Variants in VAC14 observed in about 807,000 individuals in gnomAD.
VAC14 encodes the protein VAC14 component of PIKFYVE complex, also known as protein VAC14 homolog.
A neutral mutation model predicts 85.3 loss-of-function variants in VAC14; 47 were observed. The ratio of observed to expected loss-of-function variants is 0.55; its 90% CI spans 0.44 to 0.70. The LOEUF (loss-of-function observed/expected upper bound fraction) is 0.70, where lower values mean the gene tolerates loss of function less well. Among genes scored for constraint, VAC14 ranks in the 30% least tolerant of loss-of-function variants. VAC14 has a pLI of 0.00. For missense variants in VAC14, 861 were observed against 1,004.3 expected (o/e 0.86, Z 1.93); for synonymous variants, 447 against 430.5 (o/e 1.04, Z -0.47).
intron 9 of VAC14, among the ~76,000 whole-genome samples, chr16:70,773,721 G>T (rs1350553778): frequency 2.0e-5 from 3 of 152,096 alleles, no homozygotes; most frequent in Non-Finnish European, 4.4e-5. Flanking sequence ...TTAGCCAGCT[G>T]CCCCTAATGC....
chr16:70,723,620 T>C (rs911312259), intron 14 of VAC14, among the ~76,000 whole-genome samples: 1 of 152,232 alleles, frequency 6.6e-6, no homozygotes, highest in Non-Finnish European at 1.5e-5. Context: ...AGGTCCCATC[T>C]AGAAACAACT....
chr16:70,713,072 G>A (rs567262740), intron 14 of VAC14, among the ~76,000 whole-genome samples: 2 of 152,180 alleles, frequency 1.3e-5, no homozygotes, highest in East Asian at 1.9e-4. Flanking sequence ...CTTCAAAGGC[G>A]TATGTTTCAT....
intron 17 of VAC14, among the ~76,000 whole-genome samples, chr16:70,693,472 A>C (rs936506264): frequency 6.6e-6 from 1 of 152,210 alleles, no homozygotes; most frequent in Non-Finnish European, 1.5e-5. Flanking sequence ...AGAGGGCAGG[A>C]TGGAAAAACG....
chr16:70,790,596 G>A (rs1375875688), intron 1 of VAC14, among the ~76,000 whole-genome samples: 1 of 151,856 alleles, frequency 6.6e-6, no homozygotes, highest in Admixed American at 6.5e-5. Flanking sequence ...CTCTGATGTC[G>A]GAGTGACAGC....
At chr16:70,691,571 C>G in intron 18 of VAC14, 1 of 985,488 alleles carries the variant, frequency 1.0e-6, no homozygotes, top group Non-Finnish European at 1.2e-6. Context: ...GCATCAGGTG[C>G]TGTCTTCTGG....
chr16:70,779,462 G>A (rs879119846), intron 9 of VAC14, among the ~76,000 whole-genome samples: 1 of 152,110 alleles, frequency 6.6e-6, no homozygotes, highest in Non-Finnish European at 1.5e-5. Flanking sequence ...CTTGTTTTAT[G>A]GCCTTGTGGG....
intron 13 of VAC14, among the ~76,000 whole-genome samples, chr16:70,733,671 G>T (rs1302845123): frequency 6.6e-6 from 1 of 151,920 alleles, no homozygotes; most frequent in Non-Finnish European, 1.5e-5. Context: ...GGCCTCCTCT[G>T]CCTGCTGCCC....
At chr16:70,754,487 G>A (rs1010381705) in intron 12 of VAC14, among the ~76,000 whole-genome samples, 2 of 152,166 alleles carry the variant, frequency 1.3e-5, no homozygotes, top group Admixed American at 6.5e-5. Flanking sequence ...GCTGGCTGGC[G>A]GTGGCCCTTC....
chr16:70,709,490 G>A (rs1434564929), intron 14 of VAC14, among the ~76,000 whole-genome samples: 2 of 152,194 alleles, frequency 1.3e-5, no homozygotes, highest in African/African-American at 4.8e-5. Flanking sequence ...AGCCACCTCT[G>A]TGGGTGGATG....
intron 14 of VAC14, among the ~76,000 whole-genome samples, chr16:70,725,665 C>T (rs917169840): frequency 1.3e-5 from 2 of 152,204 alleles, no homozygotes; most frequent in African/African-American, 4.8e-5. Context: ...CTGTCTGTAG[C>T]AGAGGTGAGA....
At chr16:70,781,803 G>T in intron 8 of VAC14, 66 bp downstream of exon 8, 3 of 1,583,518 alleles carry the variant, frequency 1.9e-6, no homozygotes, top group Non-Finnish European at 1.7e-6. Flanking sequence ...CCCCAGTGCA[G>T]GGTCCCTCAA....
Position 70,762,947 on chromosome 16 carries a change from A to C in VAC14, c.1239T>G (p.Ile413Met), listed in dbSNP as rs558741828. Residue 413 changes from isoleucine (I) to methionine (M), a missense_variant, in exon 11 of 19, where the codon ATT becomes ATG. Around this residue, in one of 3 missense-constraint regions of VAC14, gnomAD observed 629 missense variants for 703.1 expected, o/e 0.89. Transcript: ENST00000261776. This position sits in a 1 kb window ranked among gnomAD's most constrained non-coding sequence, Gnocchi z 4.1. The part of the protein sequence containing the change: ...VLNCHLSDTA[I>M]GMMTRIAVLK... ...GAACTGCAATCCTGGTCATCATCCC[A>C]ATGGCCGTGTCACTGAGGTGGCAGT... is the stretch of plus-strand genomic sequence containing the variant. 3.7e-6 allele frequency: 6 copies of C among 1,614,062 alleles called. No homozygotes were observed. The highest frequency in any genetic ancestry group is 5.1e-6 in the Non-Finnish European group (6 of 1,180,044).
intron 7 of VAC14, 148 bp from the exon 8 acceptor site, chr16:70,782,151 G>C: frequency 1.7e-6 from 2 of 1,170,942 alleles, no homozygotes; most frequent in Non-Finnish European, 2.4e-6. Context: ...TACTACCTGT[G>C]TGCTTTGCCT....
intron 12 of VAC14, chr16:70,761,206 C>G (rs1388016358): frequency 2.2e-6 from 1 of 455,966 alleles, no homozygotes; most frequent in Admixed American, 2.4e-5. Flanking sequence ...GGGCCCCCCA[C>G]AAGCCTGGCA....
At chr16:70,740,769 G>A (rs528292015) in intron 13 of VAC14, among the ~76,000 whole-genome samples, 57 of 152,350 alleles carry the variant, frequency 3.7e-4, no homozygotes, top group African/African-American at 1.3e-3. Flanking sequence ...CCCCGATTCT[G>A]CGGCTCTGCA....
chr16:70,720,857 G>C (rs1266401967), intron 14 of VAC14, among the ~76,000 whole-genome samples: 1 of 152,344 alleles, frequency 6.6e-6, no homozygotes, highest in East Asian at 1.9e-4. Context: ...AGGGAATAAA[G>C]AGACACAAAA....
chr16:70,728,603 G>A (rs1280505280), intron 14 of VAC14, among the ~76,000 whole-genome samples: 2 of 152,222 alleles, frequency 1.3e-5, no homozygotes, highest in Non-Finnish European at 2.9e-5. Flanking sequence ...CGGGTGGGGA[G>A]GGCATGCAAG....
chr16:70,759,443 G>A (rs1048625798), intron 12 of VAC14, among the ~76,000 whole-genome samples: 2 of 152,070 alleles, frequency 1.3e-5, no homozygotes, highest in Admixed American at 6.5e-5. Flanking sequence ...CCTGGCCAAC[G>A]TGGTGAAAGC....
At chr16:70,779,576 TTGTC>T (rs2033706017) in intron 9 of VAC14, among the ~76,000 whole-genome samples, 1 of 152,222 alleles carries the variant, frequency 6.6e-6, no homozygotes, top group East Asian at 1.9e-4. Flanking sequence ...CACAAGGACT[TTGTC>T]TGGTAAACAC....
Sources: gnomAD v4.1 joint callset for allele counts (sites outside exome capture counted in the v4.1 genomes callset) on GRCh38, gnomAD v4.1.1 for gene constraint, gnomAD v4.1.1 regional missense constraint, Gnocchi (gnomAD v3.1) non-coding constraint, MANE v1.5 for transcripts, NCBI Gene and HGNC (gene_info 2026-07-23, HGNC 2026-07-21) for gene names.